Variants in POLK observed in about 807,000 individuals in gnomAD.
POLK encodes the protein DNA polymerase kappa.
In POLK, 76 loss-of-function variants were observed where a neutral mutation model predicts 94.0. That is an observed-to-expected ratio of 0.81 (90% CI 0.67 to 0.98). The LOEUF is 0.98. POLK is among the 50% of genes least tolerant of loss of function. The pLI is 0.00. For missense variants in POLK, 954 were observed against 1,010.1 expected (o/e 0.94, Z 0.75); for synonymous variants, 349 against 325.4 (o/e 1.07, Z -0.78).
At chr5:75,518,659 G>A (rs1040721151) in intron 1 of POLK, among the ~76,000 whole-genome samples, 2 of 151,600 alleles carry the variant, frequency 1.3e-5, no homozygotes, top group African/African-American at 4.9e-5. Context: ...ACTAATGTTG[G>A]GTTTGGATTG....
At chr5:75,583,659 G>A (rs1772316938) in intron 8 of POLK, among the ~76,000 whole-genome samples, 1 of 152,070 alleles carries the variant, frequency 6.6e-6, no homozygotes, top group Non-Finnish European at 1.5e-5. Flanking sequence ...GTGAACTACT[G>A]CCAAGGAGAA....
chr5:75,532,083 G>A (rs372498121), intron 1 of POLK, among the ~76,000 whole-genome samples: 1 of 152,004 alleles, frequency 6.6e-6, no homozygotes, highest in East Asian at 1.9e-4. Context: ...AACCATTTTT[G>A]ATTTTTTGTT....
At chr5:75,534,320 A>C (rs1356099848) in intron 1 of POLK, among the ~76,000 whole-genome samples, 1 of 151,600 alleles carries the variant, frequency 6.6e-6, no homozygotes, top group Non-Finnish European at 1.5e-5. Context: ...CTAGGTACAG[A>C]ATTATATTGT....
intron 1 of POLK, among the ~76,000 whole-genome samples, chr5:75,525,791 A>G (rs1211148698): frequency 6.6e-6 from 1 of 152,246 alleles, no homozygotes; most frequent in African/African-American, 2.4e-5. Flanking sequence ...TCTGATGAAG[A>G]TATCTTTTGA....
chr5:75,513,620 TTC>T lies in POLK; in HGVS notation c.-14+1708_-14+1709del, dbSNP rs1484010106. On this transcript the variant is annotated intron_variant, in intron 1 of 14. Transcript: ENST00000241436. ...GCTAGGAATGTTTCAAGCAGAAATA[TTC>T]TTACTATTCAATGAAATTGAAAATG... 2.0e-5 allele frequency among the ~76,000 whole-genome samples: 3 copies of T among 152,240 alleles called. No individual in the cohort carries two copies. In the East Asian group the frequency reaches 5.8e-4, roughly 29 times the overall value.
chr5:75,548,474 T>C (rs898439755), intron 2 of POLK, among the ~76,000 whole-genome samples: 5 of 149,960 alleles, frequency 3.3e-5, no homozygotes, highest in Non-Finnish European at 5.9e-5. Flanking sequence ...TTATAGAATA[T>C]ATATGTATTA....
chr5:75,536,287 A>G (rs1161032474), intron 1 of POLK, among the ~76,000 whole-genome samples: 1 of 152,106 alleles, frequency 6.6e-6, no homozygotes, highest in Non-Finnish European at 1.5e-5. Flanking sequence ...GGGCTTCCTC[A>G]GTCAGGTTCC....
chr5:75,562,945 C>T (rs1771065846), intron 3 of POLK, among the ~76,000 whole-genome samples: 1 of 152,182 alleles, frequency 6.6e-6, no homozygotes, highest in Non-Finnish European at 1.5e-5. Context: ...CATTGATGTT[C>T]ATCAGGGATA....
chr5:75,551,552 G>T (rs1770333582), intron 2 of POLK, among the ~76,000 whole-genome samples: 1 of 152,108 alleles, frequency 6.6e-6, no homozygotes, highest in African/African-American at 2.4e-5. Context: ...ATGGTCAAAA[G>T]ATGTGAATAG....
At chr5:75,577,174 G>A (rs1183072929) in intron 6 of POLK, among the ~76,000 whole-genome samples, 1 of 152,150 alleles carries the variant, frequency 6.6e-6, no homozygotes, top group Non-Finnish European at 1.5e-5. Flanking sequence ...AGTCTGCAGA[G>A]TCCCTGAACA....
intron 3 of POLK, among the ~76,000 whole-genome samples, chr5:75,564,373 CTT>C (rs1313940222): frequency 1.3e-5 from 2 of 152,186 alleles, no homozygotes; most frequent in East Asian, 1.9e-4. Flanking sequence ...GGTCTTGACT[CTT>C]TATCCAATTT....
chr5:75,544,286 C>T (rs781311191), intron 1 of POLK, among the ~76,000 whole-genome samples: 12 of 152,110 alleles, frequency 7.9e-5, no homozygotes, highest in Non-Finnish European at 1.5e-4. Flanking sequence ...ATTTCGGAGG[C>T]TGAGGTGGGA....
intron 11 of POLK, among the ~76,000 whole-genome samples, chr5:75,593,180 G>A (rs1451678561): frequency 6.6e-6 from 1 of 152,102 alleles, no homozygotes; most frequent in Non-Finnish European, 1.5e-5. Flanking sequence ...CACACAGGCT[G>A]GAGTGCAATG....
chr5:75,520,805 A>G (rs1047280056), intron 1 of POLK, among the ~76,000 whole-genome samples: 1 of 152,162 alleles, frequency 6.6e-6, no homozygotes, highest in Non-Finnish European at 1.5e-5. Context: ...GAGTCTGGTG[A>G]TGGTGAATTT....
chr5:75,586,617 G>A lies in POLK; in HGVS notation c.1227-409G>A, dbSNP rs78953221. On this transcript the variant is annotated intron_variant, in intron 9 of 14. Transcript: ENST00000241436. Reference sequence around the variant, plus strand: ...TATAAATGAATAATGAATAGGCTATGGGAGAAAGAAGTTAATATACTAAAC... The same window carrying A: ...TATAAATGAATAATGAATAGGCTATAGGAGAAAGAAGTTAATATACTAAAC... Among the ~76,000 whole-genome samples the A allele has an allele frequency of 1.2e-4, 18 of 152,220 alleles. No homozygotes were observed. The East Asian group carries it at 3.3e-3, about 28-fold the overall frequency.
intron 1 of POLK, among the ~76,000 whole-genome samples, chr5:75,536,224 T>C (rs1380435442): frequency 6.6e-6 from 1 of 152,156 alleles, no homozygotes; most frequent in Non-Finnish European, 1.5e-5. Flanking sequence ...GGAGGAGCGC[T>C]CTCTGATTAC....
chr5:75,579,971 TA>T (rs760963756), intron 6 of POLK, among the ~76,000 whole-genome samples: 10,979 of 125,390 alleles, frequency 0.088, 478 homozygotes, highest in South Asian at 0.18. Flanking sequence ...GACCCTGTCT[TA>T]AAAAAAAAAA....
chr5:75,552,696 C>A, intron 3 of POLK, 105 bp downstream of exon 3: 1 of 1,132,174 alleles, frequency 8.8e-7, no homozygotes, highest in Non-Finnish European at 1.3e-6. Flanking sequence ...TGTAAATGTT[C>A]ATTATATTGT....
intron 12 of POLK, among the ~76,000 whole-genome samples, chr5:75,595,064 A>C (rs5744708): frequency 0.012 from 1,868 of 152,178 alleles, 39 homozygotes; most frequent in African/African-American, 0.043. Context: ...CAGCCTGGCC[A>C]ACATAGTGAA....
Sources: allele counts gnomAD v4.1 joint callset (sites outside exome capture counted in the v4.1 genomes callset), GRCh38; gene constraint gnomAD v4.1.1; transcripts MANE v1.5; gene names NCBI Gene and HGNC (gene_info 2026-07-23, HGNC 2026-07-21).